The following SCD5 variants were observed in gnomAD, a reference collection of about 807,000 sequenced individuals.
The protein encoded by SCD5 is stearoyl-CoA desaturase 5, also known as acyl-CoA-desaturase 4.
In SCD5, 20 loss-of-function variants were observed where a neutral mutation model predicts 30.4. That is an observed-to-expected ratio of 0.66 (90% CI 0.46 to 0.96). The LOEUF is 0.96. Among genes scored for constraint, SCD5 ranks in the 40% least tolerant of loss-of-function variants. SCD5 has a pLI of 0.00. For missense variants in SCD5, 381 were observed against 443.3 expected, an observed-to-expected ratio of 0.86 and a Z score of 1.26; for synonymous variants, 173 against 176.4, an observed-to-expected ratio of 0.98 and a Z score of 0.16.
intron 3 of SCD5, among the ~76,000 whole-genome samples, chr4:82,641,958 G>GT (rs1727555498): frequency 1.3e-5 from 2 of 152,082 alleles, no homozygotes; most frequent in African/African-American, 2.4e-5. Flanking sequence ...CTTGGACACG[G>GT]TAAGAGGGAG....
At chr4:82,712,267 T>C (rs1467378985) in intron 1 of SCD5, among the ~76,000 whole-genome samples, 1 of 46,226 alleles carries the variant, frequency 2.2e-5, no homozygotes, top group African/African-American at 1.4e-4. Context: ...TATATATATA[T>C]ATATATATAT....
At chr4:82,785,815 A>C (rs1468189640) in intron 1 of SCD5, among the ~76,000 whole-genome samples, 1 of 152,212 alleles carries the variant, frequency 6.6e-6, no homozygotes, top group African/African-American at 2.4e-5. Context: ...GGAGATATGT[A>C]GGCATTATTC....
At chr4:82,796,594 G>A (rs1184318155) in intron 1 of SCD5, among the ~76,000 whole-genome samples, 1 of 152,152 alleles carries the variant, frequency 6.6e-6, no homozygotes, top group East Asian at 1.9e-4. Flanking sequence ...GTAAGAAGTG[G>A]AGCCAGTGAG....
chr4:82,672,098 A>G (rs1728339829), intron 3 of SCD5, among the ~76,000 whole-genome samples: 1 of 152,170 alleles, frequency 6.6e-6, no homozygotes, highest in Non-Finnish European at 1.5e-5. Context: ...ATATGTTAGG[A>G]AAAAAATATC....
intron 1 of SCD5, among the ~76,000 whole-genome samples, chr4:82,777,184 C>T (rs767871256): frequency 1.6e-4 from 25 of 152,188 alleles, no homozygotes; most frequent in Non-Finnish European, 3.1e-4. Flanking sequence ...AACATGATCT[C>T]CATTGTACAG....
intron 3 of SCD5, among the ~76,000 whole-genome samples, chr4:82,668,586 G>A (rs1026484630): frequency 4.6e-5 from 7 of 152,200 alleles, no homozygotes; most frequent in South Asian, 4.1e-4. Flanking sequence ...AGCCGACTTC[G>A]CTGAGAAAAT....
At chr4:82,631,836 G>A (rs989308422) in intron 4 of SCD5, among the ~76,000 whole-genome samples, 5 of 152,090 alleles carry the variant, frequency 3.3e-5, no homozygotes, top group African/African-American at 1.2e-4. Flanking sequence ...ATGTACAACT[G>A]TTTTTAAAAA....
At chr4:82,785,823 T>C (rs1215633198) in intron 1 of SCD5, among the ~76,000 whole-genome samples, 1 of 152,140 alleles carries the variant, frequency 6.6e-6, no homozygotes, top group African/African-American at 2.4e-5. Flanking sequence ...GTAGGCATTA[T>C]TCACACTTCC....
At chr4:82,744,906 T>C (rs1327684720) in intron 1 of SCD5, among the ~76,000 whole-genome samples, 1 of 152,114 alleles carries the variant, frequency 6.6e-6, no homozygotes, top group East Asian at 1.9e-4. Context: ...GTTGCATTTA[T>C]TCATGCAGTA....
chr4:82,634,764 T>C (rs1378404060), intron 4 of SCD5, among the ~76,000 whole-genome samples: 2 of 152,216 alleles, frequency 1.3e-5, no homozygotes, highest in East Asian at 3.8e-4. Flanking sequence ...TGACGGACCA[T>C]CTTGTCCCCA....
chr4:82,710,385 A>C (rs919409332), intron 1 of SCD5, among the ~76,000 whole-genome samples: 7 of 152,096 alleles, frequency 4.6e-5, no homozygotes, highest in Middle Eastern at 3.2e-3. Flanking sequence ...ATCAGGAGAC[A>C]ATGTCATCCT....
intron 1 of SCD5, among the ~76,000 whole-genome samples, chr4:82,782,577 CTCCTACT>C (rs1471049392): frequency 6.6e-6 from 1 of 152,024 alleles, no homozygotes; most frequent in Non-Finnish European, 1.5e-5. Flanking sequence ...CCTTTTTCAC[CTCCTACT>C]TCCTAACAGC....
intron 1 of SCD5, among the ~76,000 whole-genome samples, chr4:82,768,605 C>T (rs1721543469): frequency 2.6e-5 from 4 of 152,046 alleles, no homozygotes; most frequent in South Asian, 2.1e-4. Flanking sequence ...TAAAATTATA[C>T]GAACACTGAT....
At chr4:82,674,267 C>T (rs2148819796) in intron 3 of SCD5, among the ~76,000 whole-genome samples, 1 of 152,162 alleles carries the variant, frequency 6.6e-6, no homozygotes, top group East Asian at 1.9e-4. Context: ...GACTGTTATC[C>T]AAAATATATG....
At chr4:82,772,003 GT>G (rs1721634498) in intron 1 of SCD5, among the ~76,000 whole-genome samples, 1 of 152,184 alleles carries the variant, frequency 6.6e-6, no homozygotes. Context: ...CCAACTTGGG[GT>G]TTCAGGAAAG....
chr4:82,771,999 TG>T (rs1721634353), intron 1 of SCD5, among the ~76,000 whole-genome samples: 1 of 152,168 alleles, frequency 6.6e-6, no homozygotes, highest in Non-Finnish European at 1.5e-5. Flanking sequence ...TAGCCCAACT[TG>T]GGGTTTCAGG....
At position 82,691,140 on chromosome 4, in the gene SCD5, C is replaced by T. The variant is rs191620229; in HGVS notation, c.364-10228G>A. Reference sequence around the variant, plus strand: ...TCCCAGGTTCAAGTGATTTTCCTGCCTCAGCCTCCCGAGTAGCTGGGATTA... The same window carrying T: ...TCCCAGGTTCAAGTGATTTTCCTGCTTCAGCCTCCCGAGTAGCTGGGATTA... On this transcript the variant is annotated intron_variant, in intron 2 of 4. Transcript: ENST00000319540. Among the ~76,000 whole-genome samples the T allele has an allele frequency of 4.6e-3, 708 of 152,312 alleles. 3 individuals are homozygous for T. Among genetic ancestry groups the T allele is most frequent in the Non-Finnish European group, 7.8e-3 (532 of 68,030 alleles).
At chr4:82,700,740 T>A (rs1196583073) in intron 2 of SCD5, among the ~76,000 whole-genome samples, 2 of 137,110 alleles carry the variant, frequency 1.5e-5, no homozygotes, top group Non-Finnish European at 3.0e-5. Flanking sequence ...TGAGCCATGA[T>A]TGCTCCACTG....
intron 1 of SCD5, among the ~76,000 whole-genome samples, chr4:82,772,599 A>C (rs542618211): frequency 6.6e-6 from 1 of 152,294 alleles, no homozygotes; most frequent in South Asian, 2.1e-4. Context: ...ATGGCCTCAT[A>C]CATGTCTAGT....
Sources: gnomAD v4.1 joint callset for allele counts (sites outside exome capture counted in the v4.1 genomes callset) on GRCh38, gnomAD v4.1.1 for gene constraint, MANE v1.5 for transcripts, NCBI Gene and HGNC (gene_info 2026-07-23, HGNC 2026-07-21) for gene names.